Variants in CLNK observed in about 807,000 individuals in gnomAD.
CLNK encodes cytokine dependent hematopoietic cell linker.
In CLNK, 74 loss-of-function variants were observed where a neutral mutation model predicts 68.6. That is an observed-to-expected ratio of 1.08 (90% CI 0.89 to 1.31). CLNK has a LOEUF of 1.31. Among genes scored for constraint, CLNK ranks in the 50% most tolerant of loss-of-function variants. The pLI, the probability that CLNK is intolerant of heterozygous loss-of-function variation, is 0.00. For synonymous variants in CLNK, 198 were observed against 172.2 expected, an observed-to-expected ratio of 1.15 and a Z score of -1.17; for missense variants, 553 against 515.3, an observed-to-expected ratio of 1.07 and a Z score of -0.71.
intron 3 of CLNK, among the ~76,000 whole-genome samples, chr4:10,594,767 T>G (rs1005527430): frequency 2.0e-5 from 3 of 152,198 alleles, no homozygotes; most frequent in African/African-American, 4.8e-5. Flanking sequence ...TACATATACA[T>G]ACATATACAT....
At chr4:10,731,132 T>A in the CLNK span, among the ~76,000 whole-genome samples, 1 of 152,230 alleles carries the variant, frequency 6.6e-6, no homozygotes, top group Non-Finnish European at 1.5e-5. Context: ...TATTGTGAAC[T>A]ATAGTCATCA....
intron 1 of CLNK, among the ~76,000 whole-genome samples, chr4:10,681,982 T>C (rs1367931435): frequency 6.6e-6 from 1 of 152,164 alleles, no homozygotes; most frequent in Non-Finnish European, 1.5e-5. Flanking sequence ...CTGTAAGTCA[T>C]TGCTCTTTGG....
intron 14 of CLNK, among the ~76,000 whole-genome samples, chr4:10,524,150 T>A (rs1361716336): frequency 1.3e-5 from 2 of 151,442 alleles, no homozygotes; most frequent in Non-Finnish European, 2.9e-5. Flanking sequence ...GAGTTTTGTA[T>A]TTAAGCTGTT....
In CLNK at chr4:10,566,192, A is replaced by G. The variant is rs770376909; in HGVS notation, c.151-42T>C. ...ATTCCAGTGAGTCAAAGGAAGGTACAATGTTGACAAAGACAGGCTACAGTG... is the reference window on the plus strand; with the variant it reads ...ATTCCAGTGAGTCAAAGGAAGGTACGATGTTGACAAAGACAGGCTACAGTG... On this transcript the variant is annotated intron_variant, in intron 5 of 18. Transcript: ENST00000226951. 1.1e-5 allele frequency: 17 copies of G among 1,603,196 alleles called. No individual in the cohort carries two copies. In the Admixed American group the frequency reaches 2.0e-4, roughly 19 times the overall value.
the CLNK span, chr4:10,697,363 A>G: frequency 6.6e-6 from 1 of 152,260 alleles, no homozygotes; most frequent in South Asian, 2.1e-4. Flanking sequence ...CTTCGTGAGA[A>G]CTAAAGCAAT....
intron 5 of CLNK, among the ~76,000 whole-genome samples, chr4:10,570,240 C>T (rs1195666845): frequency 6.6e-6 from 1 of 152,154 alleles, no homozygotes. Context: ...GGATGTGAGC[C>T]TGAACCCATT....
At chr4:10,657,461 A>T (rs1189552473) in intron 2 of CLNK, among the ~76,000 whole-genome samples, 2 of 152,226 alleles carry the variant, frequency 1.3e-5, no homozygotes, top group Non-Finnish European at 2.9e-5. Flanking sequence ...ATTCCTTTGT[A>T]TCTAATCAAC....
the CLNK span, among the ~76,000 whole-genome samples, chr4:10,691,056 A>G: frequency 2.6e-5 from 4 of 152,174 alleles, no homozygotes; most frequent in African/African-American, 9.7e-5. Context: ...CTGAGGTCTA[A>G]GTAATGAAAA....
intron 2 of CLNK, among the ~76,000 whole-genome samples, chr4:10,632,576 T>C (rs907731251): frequency 1.3e-5 from 2 of 152,256 alleles, no homozygotes; most frequent in African/African-American, 2.4e-5. Context: ...TTGTGCATCA[T>C]TGTACCCCTA....
intron 2 of CLNK, chr4:10,656,651 T>C (rs1724002036): frequency 6.6e-6 from 1 of 152,148 alleles, no homozygotes; most frequent in Non-Finnish European, 1.5e-5. Context: ...TGACATCGCC[T>C]AGTAAAATCA....
the CLNK span, among the ~76,000 whole-genome samples, chr4:10,730,627 C>T: frequency 3.3e-5 from 5 of 152,132 alleles, no homozygotes; most frequent in African/African-American, 1.2e-4. Flanking sequence ...TACATGTTCC[C>T]AATCTCCCAG....
chr4:10,580,498 G>A lies in CLNK; in HGVS notation c.112+4429C>T, dbSNP rs114567510. Among the ~76,000 whole-genome samples the A allele has an allele frequency of 6.9e-3, 1,048 of 152,226 alleles. 17 individuals are homozygous for A. The highest frequency in any genetic ancestry group is 0.024 in the African/African-American group (981 of 41,516). ...ATCCTAGTAGATGACAGCTCCATAC[G>A]TATCATTGCCCCTGAAGACCTTCTA... is the stretch of plus-strand genomic sequence containing the variant. On this transcript the variant is annotated intron_variant, in intron 4 of 18. Transcript: ENST00000226951.
At chr4:10,616,801 T>C (rs796263825) in intron 2 of CLNK, among the ~76,000 whole-genome samples, 5 of 32,126 alleles carry the variant, frequency 1.6e-4, no homozygotes, top group Admixed American at 5.5e-4. Flanking sequence ...TATATATATA[T>C]ATATATATAT....
intron 4 of CLNK, among the ~76,000 whole-genome samples, chr4:10,572,514 T>C (rs1278186079): frequency 3.3e-5 from 5 of 152,222 alleles, no homozygotes; most frequent in Admixed American, 3.3e-4. Flanking sequence ...TTTTCCTAAA[T>C]TGTATTGTAG....
chr4:10,631,420 AC>A (rs1722885724), intron 2 of CLNK, among the ~76,000 whole-genome samples: 1 of 152,254 alleles, frequency 6.6e-6, no homozygotes, highest in East Asian at 1.9e-4. Flanking sequence ...AGATGCTCAG[AC>A]CAAGAAAGAA....
chr4:10,678,072 A>T (rs1207748532), intron 1 of CLNK, among the ~76,000 whole-genome samples: 1 of 152,192 alleles, frequency 6.6e-6, no homozygotes, highest in African/African-American at 2.4e-5. Flanking sequence ...CTTCGAGTAC[A>T]TTTAGAACCT....
At position 10,513,453 on chromosome 4, in the gene CLNK, T is replaced by C; in HGVS notation, c.906+11A>G. The C allele has an allele frequency of 2.5e-6, 4 of 1,608,428 alleles. No homozygotes were observed. The Middle Eastern group carries it at 5.0e-4, about 200-fold the overall frequency. On this transcript the variant is annotated intron_variant, in intron 16 of 18. Transcript: ENST00000226951. The stretch of plus-strand genomic sequence containing the variant: ...CATCTAGAAGGACTTGGCAGAGAAG[T>C]GTCTGCTTACCTTTCTATCAGACCT...
intron 2 of CLNK, among the ~76,000 whole-genome samples, chr4:10,651,869 T>C (rs1261041868): frequency 2.0e-5 from 3 of 151,540 alleles, no homozygotes; most frequent in African/African-American, 4.9e-5. Context: ...AAAATATCTA[T>C]GGAAATCACA....
chr4:10,648,789 G>A (rs1403728977), intron 2 of CLNK, among the ~76,000 whole-genome samples: 1 of 152,142 alleles, frequency 6.6e-6, no homozygotes, highest in East Asian at 1.9e-4. Context: ...GAACACAGAA[G>A]CTCAGTACTA....
Sources: gnomAD v4.1 joint callset for allele counts (sites outside exome capture counted in the v4.1 genomes callset) on GRCh38, gnomAD v4.1.1 for gene constraint, MANE v1.5 for transcripts, NCBI Gene and HGNC (gene_info 2026-07-23, HGNC 2026-07-21) for gene names.